The following SLC25A31 variants were observed in gnomAD, a reference collection of about 807,000 sequenced individuals.
SLC25A31 encodes ADP/ATP translocase 4.
In SLC25A31, 40 loss-of-function variants were observed where a neutral mutation model predicts 36.2. The observed-to-expected ratio is 1.10, with a 90% CI of 0.86 to 1.44. The LOEUF is 1.44. Among genes scored for constraint, SLC25A31 ranks in the 40% most tolerant of loss-of-function variants. The pLI is 0.00. For missense variants in SLC25A31, 350 were observed against 397.1 expected, an observed-to-expected ratio of 0.88 and a Z score of 1.01; for synonymous variants, 143 against 149.7, an observed-to-expected ratio of 0.96 and a Z score of 0.32.
chr4:127,757,479 A>T (rs1390553495), intron 2 of SLC25A31, among the ~76,000 whole-genome samples: 1 of 152,154 alleles, frequency 6.6e-6, no homozygotes, highest in Non-Finnish European at 1.5e-5. Context: ...TTCTTTTTTT[A>T]AAGCTGTATG....
intron 5 of SLC25A31, 59 bp downstream of exon 5, chr4:127,768,936 TATA>T: frequency 2.1e-6 from 3 of 1,447,442 alleles, no homozygotes; most frequent in Non-Finnish European, 2.8e-6. Flanking sequence ...GATATTTAGG[TATA>T]ATCAAATTTA....
At chr4:127,734,932 T>A (rs1214385160) in intron 1 of SLC25A31, among the ~76,000 whole-genome samples, 1 of 152,100 alleles carries the variant, frequency 6.6e-6, no homozygotes, top group Non-Finnish European at 1.5e-5. Flanking sequence ...TTACACAAGG[T>A]AGAGGGAATG....
intron 2 of SLC25A31, among the ~76,000 whole-genome samples, chr4:127,751,896 A>G (rs893254942): frequency 4.6e-5 from 7 of 151,956 alleles, no homozygotes; most frequent in African/African-American, 1.7e-4. Context: ...TTAGAATGGC[A>G]ATCATTAAAA....
chr4:127,743,416 G>A (rs142599433), intron 1 of SLC25A31, among the ~76,000 whole-genome samples: 79 of 152,252 alleles, frequency 5.2e-4, no homozygotes, highest in African/African-American at 1.6e-3. Flanking sequence ...AATTACAGGC[G>A]TGAGCCACTG....
Position 127,766,539 on chromosome 4 carries a change from C to T in SLC25A31, c.479-527C>T, listed in dbSNP as rs28464309. Among the ~76,000 whole-genome samples, 577 of 152,242 alleles carry T rather than the reference C, an allele frequency of 3.8e-3. 3 individuals are homozygous for T. The highest frequency in any genetic ancestry group is 0.01 in the Middle Eastern group (3 of 294). The stretch of plus-strand genomic sequence containing the variant: ...TAGAGACAGGGTCTTACTCTGTTGC[C>T]TAGGCTGGAGTACGGTGGCACAATC... On this transcript the variant is annotated intron_variant, in intron 3 of 5. Coordinates refer to ENST00000281154, the MANE Select transcript of SLC25A31 (RefSeq NM_031291.4).
At chr4:127,763,198 T>C (rs553440937) in intron 2 of SLC25A31, among the ~76,000 whole-genome samples, 2 of 152,316 alleles carry the variant, frequency 1.3e-5, no homozygotes, top group African/African-American at 4.8e-5. Context: ...GAAGAGGGTA[T>C]GATCATATAC....
chr4:127,767,134 G>T lies in SLC25A31; in HGVS notation c.547G>T (p.Ala183Ser), dbSNP rs946308496. 2 of 1,613,676 alleles carry T rather than the reference G, an allele frequency of 1.2e-6. No individual in the cohort carries two copies. The highest frequency in any genetic ancestry group is 1.7e-6 in the Non-Finnish European group (2 of 1,179,850). Reference protein sequence around the residue: ...IMKIAKSDGIAGLYQGFGVSV... With the variant: ...IMKIAKSDGISGLYQGFGVSV... ...GAAAATAGCAAAATCAGATGGAATT[G>T]CTGGTTTATACCAAGGGTTTGGTGT... Residue 183 changes from alanine to serine, a missense_variant, in exon 4 of 6, where the codon GCT (alanine) becomes TCT (serine). Physicochemically the swap from Ala to Ser is moderately conservative, Grantham distance 99 (BLOSUM62 1). Coordinates refer to ENST00000281154, the MANE Select transcript of SLC25A31 (RefSeq NM_031291.4).
intron 1 of SLC25A31, among the ~76,000 whole-genome samples, chr4:127,731,779 A>G (rs1403236331): frequency 3.9e-5 from 6 of 152,082 alleles, no homozygotes; most frequent in South Asian, 2.1e-4. Flanking sequence ...TATTTTTTCT[A>G]TTAAACCTCC....
chr4:127,730,441 C>G lies in SLC25A31; in HGVS notation c.-105C>G. 8.0e-7 allele frequency: 1 copy of G among 1,245,478 alleles called. No individual in the cohort carries two copies. The highest frequency in any genetic ancestry group is 2.2e-5 in the Admixed American group (1 of 45,612). 77.2% of individuals were successfully genotyped at this position (1,245,478 alleles called of 1,614,324 possible). A position where few individuals can be genotyped will look rare whatever the true frequency, so the allele number is the denominator to read the frequency against. ...CTCAGCGTCCCAAGAGCCACTTTCT[C>G]GCCAGTACGATGCTGCAGCGGTTTT... On this transcript the variant is annotated 5_prime_UTR_variant, in exon 1 of 6. Transcript: ENST00000281154.
chr4:127,744,842 T>A, intron 2 of SLC25A31, 43 bp downstream of exon 2: 1 of 1,320,244 alleles, frequency 7.6e-7, no homozygotes, highest in Non-Finnish European at 1.0e-6. Flanking sequence ...AATATAGAAA[T>A]TTTCCATCCA....
chr4:127,740,543 G>C (rs376468693), intron 1 of SLC25A31, among the ~76,000 whole-genome samples: 137 of 152,344 alleles, frequency 9.0e-4, no homozygotes, highest in African/African-American at 3.2e-3. Flanking sequence ...GAGAAAGGAT[G>C]CGCCAGGCTG....
At chr4:127,750,902 A>T (rs889082586) in intron 2 of SLC25A31, among the ~76,000 whole-genome samples, 1 of 152,336 alleles carries the variant, frequency 6.6e-6, no homozygotes, top group South Asian at 2.1e-4. Context: ...GTCCATATTT[A>T]TCAATAACTT....
intron 3 of SLC25A31, among the ~76,000 whole-genome samples, chr4:127,765,975 A>G (rs1279892087): frequency 6.6e-6 from 1 of 152,148 alleles, no homozygotes; most frequent in East Asian, 1.9e-4. Context: ...CATTGTACAT[A>G]TATAATAGTT....
chr4:127,767,300 T>C lies in SLC25A31; in HGVS notation c.633+80T>C, dbSNP rs1007814843. The C allele has an allele frequency of 1.1e-5, 13 of 1,146,268 alleles. No homozygotes were observed. In the African/African-American group the frequency reaches 1.9e-4, roughly 17 times the overall value. The allele number at this position is 1,146,268 out of a possible 1,614,324, so 71.0% of individuals were successfully genotyped here. On this transcript the variant is annotated intron_variant, in intron 4 of 5. Coordinates refer to ENST00000281154, the MANE Select transcript of SLC25A31 (RefSeq NM_031291.4). Reference sequence around the variant, plus strand: ...ATTAGTAATGTTTTCAGCAGATATGTTACTTTTAATTATAAAAATAAAAAT... The same window carrying C: ...ATTAGTAATGTTTTCAGCAGATATGCTACTTTTAATTATAAAAATAAAAAT...
chr4:127,730,820 T>G (rs765941784), intron 1 of SLC25A31, 43 bp downstream of exon 1: 1 of 1,548,780 alleles, frequency 6.5e-7, no homozygotes, highest in Non-Finnish European at 8.8e-7. Context: ...CCCGGCGCCC[T>G]CGTCAGCTTC....
At position 127,746,994 on chromosome 4, in the gene SLC25A31, T is replaced by C. The variant is rs369615344; in HGVS notation, c.360+2195T>C. 1.3e-4 allele frequency among the ~76,000 whole-genome samples: 20 copies of C among 152,344 alleles called. 1 individual carries two copies. The South Asian group carries it at 4.1e-3, about 32-fold the overall frequency. ...CCAGCTTTAATCTTCTGTATATGGCTAGCCAGTTATCCCACCACTATTTAT... is the reference window on the plus strand; with the variant it reads ...CCAGCTTTAATCTTCTGTATATGGCCAGCCAGTTATCCCACCACTATTTAT... On this transcript the variant is annotated intron_variant, in intron 2 of 5. Coordinates refer to ENST00000281154, the MANE Select transcript of SLC25A31 (RefSeq NM_031291.4).
intron 2 of SLC25A31, among the ~76,000 whole-genome samples, chr4:127,754,647 C>A (rs1731997192): frequency 6.6e-6 from 1 of 151,588 alleles, no homozygotes; most frequent in Non-Finnish European, 1.5e-5. Flanking sequence ...AAATATAAGA[C>A]CTGAAACATA....
intron 3 of SLC25A31, 122 bp downstream of exon 3, chr4:127,764,482 C>A: frequency 2.6e-6 from 2 of 763,062 alleles, no homozygotes; most frequent in Non-Finnish European, 2.1e-6. Flanking sequence ...TGTTCTCAAC[C>A]AAATGGTGGA....
chr4:127,734,320 G>A (rs574173599), intron 1 of SLC25A31, among the ~76,000 whole-genome samples: 2 of 152,214 alleles, frequency 1.3e-5, no homozygotes, highest in African/African-American at 4.8e-5. Flanking sequence ...AGCACTTTGG[G>A]AGGCAGAGGT....
Sources: allele counts gnomAD v4.1 joint callset (sites outside exome capture counted in the v4.1 genomes callset), GRCh38; gene constraint gnomAD v4.1.1; transcripts MANE v1.5; gene names NCBI Gene and HGNC (gene_info 2026-07-23, HGNC 2026-07-21).